Variants in TFAP2D observed in about 807,000 individuals in gnomAD.
TFAP2D encodes transcription factor AP-2-delta.
A neutral mutation model predicts 43.6 loss-of-function variants in TFAP2D; 9 were observed. The ratio of observed to expected loss-of-function variants is 0.21; its 90% CI spans 0.12 to 0.36. TFAP2D has a LOEUF of 0.36. Among genes scored for constraint, TFAP2D ranks in the 10% least tolerant of loss-of-function variants. TFAP2D has a pLI of 1.00. For synonymous variants in TFAP2D, 256 were observed against 224.9 expected (o/e 1.14, Z -1.24); for missense variants, 513 against 561.4 (o/e 0.91, Z 0.87).
intron 7 of TFAP2D, among the ~76,000 whole-genome samples, chr6:50,761,609 G>A (rs894398603): frequency 1.3e-5 from 2 of 152,038 alleles, no homozygotes; most frequent in African/African-American, 2.4e-5. Context: ...GGATTCCATA[G>A]AAGGTTGCTT....
intron 1 of TFAP2D, 52 bp downstream of exon 1, chr6:50,714,146 CGGCGGCGGT>C (rs745710324): frequency 7.9e-5 from 122 of 1,553,402 alleles, no homozygotes; most frequent in African/African-American, 4.0e-4. Flanking sequence ...TGTGTGGCGG[CGGCGGCGGT>C]GGCGGCGGTG....
intron 7 of TFAP2D, among the ~76,000 whole-genome samples, chr6:50,753,679 T>C (rs1312135031): frequency 3.3e-5 from 5 of 151,940 alleles, no homozygotes; most frequent in African/African-American, 9.7e-5. Context: ...TTAATCACAA[T>C]TTCATGCATA....
At chr6:50,716,448 A>G (rs761227000) in intron 2 of TFAP2D, among the ~76,000 whole-genome samples, 26 of 142,804 alleles carry the variant, frequency 1.8e-4, no homozygotes, top group Admixed American at 2.8e-4. Context: ...AGAAGGAAGG[A>G]AGGAAGGAGA....
intron 3 of TFAP2D, among the ~76,000 whole-genome samples, chr6:50,725,260 T>C (rs1581760919): frequency 6.6e-6 from 1 of 152,214 alleles, no homozygotes; most frequent in South Asian, 2.1e-4. Flanking sequence ...CCTGTAGCTA[T>C]GGCAAAGTTA....
chr6:50,730,615 A>G (rs1768873144), intron 5 of TFAP2D, among the ~76,000 whole-genome samples: 1 of 152,140 alleles, frequency 6.6e-6, no homozygotes, highest in African/African-American at 2.4e-5. Context: ...TTAAAAATAT[A>G]ACAAAACAGT....
chr6:50,751,249 A>G lies in TFAP2D; in HGVS notation c.1064A>G (p.Asp355Gly), dbSNP rs1485751069. The G allele has an allele frequency of 6.2e-7, 1 of 1,611,628 alleles. No homozygotes were observed. The highest frequency in any genetic ancestry group is 1.3e-5 in the African/African-American group (1 of 74,890). ...CKEFQDLLSQ[D>G]RSPLGSSRPT... is the part of the protein sequence containing the mutation. ...GAATTCCAAGACCTCTTGAGCCAAG[A>G]TAGATCACCACTGGGATCCTCCAGA... The change falls in exon 7 of 8, where the codon GAT becomes GGT. Residue 355 changes from aspartate to glycine, a missense_variant. Transcript: ENST00000008391.
chr6:50,756,746 C>T (rs868545075), intron 7 of TFAP2D, among the ~76,000 whole-genome samples: 3 of 151,858 alleles, frequency 2.0e-5, no homozygotes, highest in African/African-American at 4.8e-5. Context: ...ACAACACAAA[C>T]GAGAAGGGGG....
intron 6 of TFAP2D, among the ~76,000 whole-genome samples, chr6:50,745,730 C>T (rs1196238426): frequency 6.6e-6 from 1 of 151,992 alleles, no homozygotes; most frequent in Non-Finnish European, 1.5e-5. Flanking sequence ...TGTCCCCATC[C>T]TCTCTTGTGT....
Position 50,745,238 on chromosome 6 carries a change from C to A in TFAP2D, c.1015C>A (p.Leu339Met). The change falls in exon 6 of 8, where the codon CTG becomes ATG. Residue 339 changes from leucine to methionine, a missense_variant. Leu to Met is a conservative substitution (Grantham distance 15). Around this residue, in one of 3 missense-constraint regions of TFAP2D, gnomAD observed 199 missense variants for 227.9 expected, o/e 0.87. Coordinates refer to ENST00000008391, the MANE Select transcript of TFAP2D (RefSeq NM_172238.4). ...KEQTARKKMI[L>M]ATKQICKEFQ... ...ACAGACAGCAAGAAAAAAGATGATC[C>A]TGGCGACCAAGTAAGCAGAATGGGG... 1 of 1,613,496 alleles carries A rather than the reference C, an allele frequency of 6.2e-7. No homozygotes were observed. The highest frequency in any genetic ancestry group is 2.2e-5 in the East Asian group (1 of 44,850).
intron 7 of TFAP2D, among the ~76,000 whole-genome samples, chr6:50,757,507 C>CTA (rs1247081406): frequency 0.15 from 7,770 of 52,906 alleles, 1,288 homozygotes; most frequent in East Asian, 0.24. Flanking sequence ...TATAATTATT[C>CTA]TATATATAGA....
Position 50,745,116 on chromosome 6 carries a change from T to C in TFAP2D, c.893T>C (p.Leu298Ser), listed in dbSNP as rs1466194190. 1 of 1,613,584 alleles carries C rather than the reference T, an allele frequency of 6.2e-7. No homozygotes were observed. Among genetic ancestry groups the C allele is most frequent in the Non-Finnish European group, 8.5e-7 (1 of 1,179,722 alleles). Reference sequence around the variant, plus strand: ...TGTTATCTGCCAACAGGGGAGGCTTTGCACTTGGCTCGGGATTTTGGCTAC... The same window carrying C: ...TGTTATCTGCCAACAGGGGAGGCTTCGCACTTGGCTCGGGATTTTGGCTAC... ...LLTSLVEGEA[L>S]HLARDFGYTC... is the part of the protein sequence containing the mutation. The change falls in exon 6 of 8, where the codon TTG becomes TCG. Residue 298 changes from leucine (L) to serine (S), a missense_variant. Physicochemically the swap from Leu to Ser is moderately radical, Grantham distance 145. This residue lies in a region of TFAP2D where 199 missense variants were observed against 227.9 expected (regional missense o/e 0.87). Transcript: ENST00000008391.
At chr6:50,733,004 C>T (rs1237642490) in intron 5 of TFAP2D, among the ~76,000 whole-genome samples, 1 of 151,974 alleles carries the variant, frequency 6.6e-6, no homozygotes, top group African/African-American at 2.4e-5. Context: ...TTATTTGATG[C>T]AAATTTATAC....
At chr6:50,743,896 T>C (rs1459355007) in intron 5 of TFAP2D, among the ~76,000 whole-genome samples, 2 of 152,178 alleles carry the variant, frequency 1.3e-5, no homozygotes, top group Admixed American at 6.5e-5. Context: ...CTTGTTGTTG[T>C]TGCTACTATT....
chr6:50,735,295 TCATGAA>T, intron 5 of TFAP2D, among the ~76,000 whole-genome samples: 1 of 152,120 alleles, frequency 6.6e-6, no homozygotes, highest in Non-Finnish European at 1.5e-5. Flanking sequence ...GTGGCATATA[TCATGAA>T]CAGTTTCATT....
At chr6:50,764,674 G>A (rs548032288) in intron 7 of TFAP2D, among the ~76,000 whole-genome samples, 3 of 152,268 alleles carry the variant, frequency 2.0e-5, no homozygotes, top group Non-Finnish European at 2.9e-5. Flanking sequence ...CAGGCTAGAC[G>A]CCTCCTGGAG....
intron 5 of TFAP2D, among the ~76,000 whole-genome samples, chr6:50,737,485 C>A (rs1429073529): frequency 6.6e-6 from 1 of 152,044 alleles, no homozygotes; most frequent in Non-Finnish European, 1.5e-5. Context: ...ATAATACAAA[C>A]AAATAGTTCA....
chr6:50,737,770 C>T (rs1415196512), intron 5 of TFAP2D, among the ~76,000 whole-genome samples: 2 of 151,966 alleles, frequency 1.3e-5, no homozygotes, highest in Admixed American at 1.3e-4. Context: ...CGTGGTATTT[C>T]ACTGAATGAA....
chr6:50,734,366 C>T (rs1251763078), intron 5 of TFAP2D, among the ~76,000 whole-genome samples: 1 of 152,122 alleles, frequency 6.6e-6, no homozygotes, highest in Non-Finnish European at 1.5e-5. Context: ...AAATAAAGAC[C>T]ATCATATCTA....
At chr6:50,751,908 A>G (rs1354460452) in intron 7 of TFAP2D, among the ~76,000 whole-genome samples, 1 of 151,986 alleles carries the variant, frequency 6.6e-6, no homozygotes, top group African/African-American at 2.4e-5. Flanking sequence ...CATTGTTAGG[A>G]AATCATTACT....
Sources: gnomAD v4.1 joint callset for allele counts (sites outside exome capture counted in the v4.1 genomes callset) on GRCh38, gnomAD v4.1.1 for gene constraint, gnomAD v4.1.1 regional missense constraint, MANE v1.5 for transcripts, NCBI Gene and HGNC (gene_info 2026-07-23, HGNC 2026-07-21) for gene names.